Variants in DPF3 observed in about 807,000 individuals in gnomAD.
DPF3 encodes the protein zinc finger protein DPF3.
DPF3 carries 18 observed loss-of-function variants against 56.8 expected under a neutral mutation model. The ratio of observed to expected loss-of-function variants is 0.32; its 90% CI spans 0.22 to 0.47. The LOEUF (loss-of-function observed/expected upper bound fraction) is 0.47. DPF3 is among the 20% of genes least tolerant of loss of function. The pLI, the probability that DPF3 is intolerant of heterozygous loss-of-function variation, is 1.00. For missense variants in DPF3, 403 were observed against 488.8 expected (o/e 0.82, Z 1.65); for synonymous variants, 188 against 180.2 (o/e 1.04, Z -0.35).
chr14:72,672,963 T>A (rs958068028), intron 8 of DPF3, among the ~76,000 whole-genome samples: 4 of 152,204 alleles, frequency 2.6e-5, no homozygotes, highest in African/African-American at 9.7e-5. Flanking sequence ...AAGGGCCCTG[T>A]CTTCTACGCT....
rs1451366104 is a variant in DPF3, at chr14:72,618,969, G to T, written c.*328C>A. Among the ~76,000 whole-genome samples, 1 of 152,186 alleles carries T rather than the reference G, an allele frequency of 6.6e-6. No homozygotes were observed. Among genetic ancestry groups the T allele is most frequent in the East Asian group, 1.9e-4 (1 of 5,188 alleles). On this transcript the variant is annotated 3_prime_UTR_variant, in exon 11 of 11. Coordinates refer to ENST00000556509, the MANE Select transcript of DPF3 (RefSeq NM_001280542.3). ...AGTAATGGATGAGTGGTCAGGAAATGGCTTCCCTTAAAATGGGAACCAATG... is the reference window on the plus strand; with the variant it reads ...AGTAATGGATGAGTGGTCAGGAAATTGCTTCCCTTAAAATGGGAACCAATG...
intron 3 of DPF3, among the ~76,000 whole-genome samples, chr14:72,733,743 CCTGCTCCA>C (rs1409531266): frequency 6.6e-6 from 1 of 151,884 alleles, no homozygotes; most frequent in African/African-American, 2.4e-5. Flanking sequence ...CACCACCGAG[CCTGCTCCA>C]CTGGGCTCTG....
chr14:72,731,793 A>C lies in DPF3; in HGVS notation c.429+14T>G, dbSNP rs1567214782. 1 of 1,613,256 alleles carries C rather than the reference A, an allele frequency of 6.2e-7. No individual in the cohort carries two copies. Among genetic ancestry groups the C allele is most frequent in the Non-Finnish European group, 8.5e-7 (1 of 1,179,636 alleles). On this transcript the variant is annotated intron_variant, in intron 4 of 10. Coordinates refer to ENST00000556509, the MANE Select transcript of DPF3 (RefSeq NM_001280542.3). ...AGGAACACTCTGTGGGGTCCCCAGC[A>C]GGTGTGGGAATACCTGTATTTCCTG...
rs924616590 is a variant in DPF3 at position 72,670,755 on chromosome 14, C to T, written c.871+3485G>A. On this transcript the variant is annotated intron_variant, in intron 8 of 10. Transcript: ENST00000556509. ...GTTTCCAACCCAAAGTTCCTCTTCT[C>T]TTCCTTTTGCCAATAAATATGAAAA... is the stretch of plus-strand genomic sequence containing the variant. The T allele has an allele frequency of 3.9e-6, 4 of 1,023,294 alleles. No homozygotes were observed. In the East Asian group the frequency reaches 3.6e-4, roughly 93 times the overall value. 63.4% of individuals were successfully genotyped at this position (1,023,294 alleles called of 1,614,324 possible). A position where few individuals can be genotyped will look rare whatever the true frequency, so the allele number is the denominator to read the frequency against.
chr14:72,873,578 T>A (rs924948960), intron 1 of DPF3, among the ~76,000 whole-genome samples: 2 of 152,208 alleles, frequency 1.3e-5, no homozygotes, highest in African/African-American at 4.8e-5. Flanking sequence ...ACTGGGTATA[T>A]ACCCAAAGGG....
chr14:72,814,758 C>A (rs35322910), intron 1 of DPF3, among the ~76,000 whole-genome samples: 1 of 151,168 alleles, frequency 6.6e-6, no homozygotes, highest in African/African-American at 2.4e-5. Context: ...TGCAGTGAGC[C>A]GAGATCGCGC....
intron 4 of DPF3, among the ~76,000 whole-genome samples, chr14:72,729,835 C>T (rs986072409): frequency 6.6e-6 from 1 of 152,038 alleles, no homozygotes; most frequent in Non-Finnish European, 1.5e-5. Context: ...TGTATGATAC[C>T]GTAAGAGTGG....
At chr14:72,891,651 C>G (rs956854430) in intron 1 of DPF3, among the ~76,000 whole-genome samples, 8 of 151,954 alleles carry the variant, frequency 5.3e-5, no homozygotes, top group African/African-American at 1.9e-4. Context: ...CCAATAACAA[C>G]GTGTGTGCTC....
At chr14:72,670,860 A>G (rs1204933939) in intron 8 of DPF3, 4 of 1,166,578 alleles carry the variant, frequency 3.4e-6, no homozygotes, top group African/African-American at 1.6e-5. Context: ...TCCTATTTCT[A>G]TGGAAAATAA....
chr14:72,752,764 C>T (rs967124042), intron 3 of DPF3, among the ~76,000 whole-genome samples: 1 of 152,220 alleles, frequency 6.6e-6, no homozygotes, highest in African/African-American at 2.4e-5. Flanking sequence ...TAATCTCAAA[C>T]TCTTCCATCC....
intron 3 of DPF3, among the ~76,000 whole-genome samples, chr14:72,748,443 T>G (rs1430525548): frequency 6.6e-6 from 1 of 152,156 alleles, no homozygotes; most frequent in African/African-American, 2.4e-5. Flanking sequence ...AGCATAACAG[T>G]TTGGAAAATT....
chr14:72,889,810 A>G (rs567305685), intron 1 of DPF3, among the ~76,000 whole-genome samples: 15 of 152,238 alleles, frequency 9.9e-5, no homozygotes, highest in Non-Finnish European at 1.5e-4. Flanking sequence ...AGTGTTCTTA[A>G]CAACAAAACA....
intron 8 of DPF3, among the ~76,000 whole-genome samples, chr14:72,672,029 C>CCACA (rs368797206): frequency 0.043 from 6,202 of 145,634 alleles, 250 homozygotes; most frequent in South Asian, 0.095. Context: ...CGTGTGCACA[C>CCACA]CACACACACA....
At chr14:72,843,792 T>C (rs1884645241) in intron 1 of DPF3, among the ~76,000 whole-genome samples, 1 of 152,240 alleles carries the variant, frequency 6.6e-6, no homozygotes, top group Non-Finnish European at 1.5e-5. Context: ...TCCACCCGCC[T>C]CAGCCTCCCA....
rs1260244167 is a variant in DPF3 at position 72,615,500 on chromosome 14, C to T, written c.*3797G>A. ...ACAAAAATGCACCAGGAGTGTGCAA[C>T]CCTCCAGGGTATCATGAAACCATCA... On this transcript the variant is annotated 3_prime_UTR_variant, in exon 11 of 11. Coordinates refer to ENST00000556509, the MANE Select transcript of DPF3 (RefSeq NM_001280542.3). Among the ~76,000 whole-genome samples, 3 of 152,216 alleles carry T rather than the reference C, an allele frequency of 2.0e-5. No homozygotes were observed.
chr14:72,728,508 G>A (rs1346273336), intron 4 of DPF3, among the ~76,000 whole-genome samples: 1 of 152,168 alleles, frequency 6.6e-6, no homozygotes, highest in African/African-American at 2.4e-5. Flanking sequence ...ACACGCCCAG[G>A]AAGGTCACGC....
At position 72,615,076 on chromosome 14, in the gene DPF3, C is replaced by T. The variant is rs1469683179; in HGVS notation, c.*4221G>A. Among the ~76,000 whole-genome samples the T allele has an allele frequency of 2.6e-5, 4 of 152,164 alleles. No homozygotes were observed. The highest frequency in any genetic ancestry group is 9.7e-5 in the African/African-American group (4 of 41,446). ...CTCTGGCCAGAGCCAACTTCTCCCT[C>T]GGGCTGAGACATGGGGACCCCCTGA... On this transcript the variant is annotated 3_prime_UTR_variant, in exon 11 of 11. Transcript: ENST00000556509.
chr14:72,709,614 G>A (rs1043494889), intron 6 of DPF3, among the ~76,000 whole-genome samples: 4 of 152,150 alleles, frequency 2.6e-5, no homozygotes, highest in African/African-American at 9.7e-5. Flanking sequence ...TCCAGGGTAG[G>A]AGAGCATATG....
At chr14:72,722,261 G>T (rs927073965) in intron 5 of DPF3, among the ~76,000 whole-genome samples, 2 of 152,180 alleles carry the variant, frequency 1.3e-5, no homozygotes, top group African/African-American at 4.8e-5. Context: ...CCAAAATCTT[G>T]CTAAGTGATG....
Sources: allele counts gnomAD v4.1 joint callset (sites outside exome capture counted in the v4.1 genomes callset), GRCh38; gene constraint gnomAD v4.1.1; transcripts MANE v1.5; gene names NCBI Gene and HGNC (gene_info 2026-07-23, HGNC 2026-07-21).